The following PER2 variants were observed in gnomAD, a reference collection of about 807,000 sequenced individuals.
PER2 encodes the protein period circadian protein homolog 2.
A neutral mutation model predicts 121.0 loss-of-function variants in PER2; 66 were observed. That is an observed-to-expected ratio of 0.55 (90% CI 0.45 to 0.67). The LOEUF is 0.67. PER2 is among the 30% of genes least tolerant of loss of function. The probability of loss-of-function intolerance (pLI) is 0.00; values close to 1 mark genes in which losing one functional copy is unlikely to be tolerated. For missense variants in PER2, 1,521 were observed against 1,635.0 expected (o/e 0.93, Z 1.20); for synonymous variants, 684 against 659.9 (o/e 1.04, Z -0.56).
At chr2:238,256,752 C>A (rs1695774009) in intron 17 of PER2, among the ~76,000 whole-genome samples, 170 bp downstream of exon 17, 1 of 152,258 alleles carries the variant, frequency 6.6e-6, no homozygotes, top group South Asian at 2.1e-4. Context: ...CTGCCTGGGC[C>A]CTGGCTGGCC....
rs1437885053 is a variant in PER2 at position 238,258,342 on chromosome 2, T to C, written c.1834A>G (p.Asn612Asp). The C allele has an allele frequency of 2.5e-6, 4 of 1,614,106 alleles. No individual in the cohort carries two copies. Among genetic ancestry groups the C allele is most frequent in the African/African-American group, 2.7e-5 (2 of 74,932 alleles). Residue 612 changes from asparagine (N) to aspartate (D), a missense_variant, in exon 16 of 23, where the codon AAC becomes GAC. By Grantham distance (23) the Asn-to-Asp change is conservative. Coordinates refer to ENST00000254657, the MANE Select transcript of PER2 (RefSeq NM_022817.3). Reference protein sequence around the residue: ...TLKRKCEFPANVPALRSSDKR... With the variant: ...TLKRKCEFPADVPALRSSDKR... ...TCACTGGACCTTAGCGCTGGGACGT[T>C]TGCTGGGAACTCGCATTTCCTCTTC...
intron 18 of PER2, chr2:238,254,896 CG>C (rs1241318975): frequency 1.3e-5 from 2 of 152,202 alleles, no homozygotes; most frequent in Non-Finnish European, 2.9e-5. Flanking sequence ...TCCCTTGGTG[CG>C]TCTGCCCAGA....
upstream of PER2, chr2:238,290,039 T>G (rs1188255712): frequency 6.6e-6 from 1 of 152,274 alleles, no homozygotes; most frequent in Admixed American, 6.5e-5. Context: ...TGGACTCACC[T>G]GGGGACCAGG....
At chr2:238,248,077 C>G (rs934764739) in intron 22 of PER2, among the ~76,000 whole-genome samples, 12 of 152,126 alleles carry the variant, frequency 7.9e-5, no homozygotes, top group Non-Finnish European at 1.5e-4. Flanking sequence ...TTGCAGGGTG[C>G]AGGTGGGGAA....
chr2:238,253,104 C>T lies in PER2; in HGVS notation c.2919G>A (p.Met973Ile). Reference protein sequence around the residue: ...PATRATPPSAMGRASPPLFQS... With the variant: ...PATRATPPSAIGRASPPLFQS... ...GAAAGAGCGGTGGGGAGGCCCTACC[C>T]ATGGCCGATGGTGGGGTGGCCCGGG... Residue 973 changes from methionine to isoleucine, a missense_variant, in exon 19 of 23, where the codon ATG (methionine) becomes ATA (isoleucine). Met to Ile is a conservative substitution (Grantham distance 10). Coordinates refer to ENST00000254657, the MANE Select transcript of PER2 (RefSeq NM_022817.3). The surrounding 1 kb of genome is among the most constrained non-coding windows in gnomAD (Gnocchi z 5.6). 1 of 1,606,568 alleles carries T rather than the reference C, an allele frequency of 6.2e-7. No individual in the cohort carries two copies. Among genetic ancestry groups the T allele is most frequent in the South Asian group, 1.1e-5 (1 of 90,436 alleles).
At position 238,253,287 on chromosome 2, in the gene PER2, G is replaced by A. The variant is rs1439321919; in HGVS notation, c.2736C>T (p.Ser912=). ...PVMAFMLPSY[S]FPSGTPNLPQ... ...GCAGGTTTGGGGTCCCCGAGGGGAA[G>A]GAATAACTGGGTAGCATGAATGCCA... Residue 912 remains serine, a synonymous_variant, in exon 19 of 23, where the codon TCC becomes TCT. Coordinates refer to ENST00000254657, the MANE Select transcript of PER2 (RefSeq NM_022817.3). The surrounding 1 kb of genome is among the most constrained non-coding windows in gnomAD (Gnocchi z 5.6). The A allele has an allele frequency of 1.2e-6, 2 of 1,612,542 alleles. No homozygotes were observed. The highest frequency in any genetic ancestry group is 2.2e-5 in the South Asian group (2 of 90,910).
chr2:238,268,240 A>AG lies in PER2; in HGVS notation c.825-43dup. ...CGCTCTAAGTTGGGAACTGTGACAC[A>AG]GGAACAGTCCCCTGTTCTGTTCCCT... On this transcript the variant is annotated intron_variant, in intron 7 of 22. Transcript: ENST00000254657. This position sits in a 1 kb window ranked among gnomAD's most constrained non-coding sequence, Gnocchi z 4.0. The AG allele has an allele frequency of 3.7e-6, 6 of 1,602,012 alleles. No homozygotes were observed. The highest frequency in any genetic ancestry group is 5.1e-6 in the Non-Finnish European group (6 of 1,171,498).
At chr2:238,270,152 A>G (rs1696239664) in intron 6 of PER2, among the ~76,000 whole-genome samples, 1 of 152,252 alleles carries the variant, frequency 6.6e-6, no homozygotes, top group South Asian at 2.1e-4. Context: ...ACTTTGGGGT[A>G]GGTGTGCAGA....
At chr2:238,272,086 T>C (rs1045932531) in intron 5 of PER2, among the ~76,000 whole-genome samples, 4 of 152,250 alleles carry the variant, frequency 2.6e-5, no homozygotes, top group South Asian at 2.1e-4. Flanking sequence ...AAAGAAAACC[T>C]GTCTTTGACT....
At position 238,276,401 on chromosome 2, in the gene PER2, C is replaced by A. The variant is rs149556732; in HGVS notation, c.294-504G>T. 3.4e-3 allele frequency among the ~76,000 whole-genome samples: 517 copies of A among 152,362 alleles called. 7 individuals carry two copies. Among genetic ancestry groups the A allele is most frequent in the African/African-American group, 0.012 (490 of 41,584 alleles). ...CTGGAGAAGTCCCTCCAACTGTGTT[C>A]TTTTCCCTGAAGGGTTAGAGCTAGG... On this transcript the variant is annotated intron_variant, in intron 3 of 22. Coordinates refer to ENST00000254657, the MANE Select transcript of PER2 (RefSeq NM_022817.3).
In PER2 at chr2:238,258,475, T is replaced by G. The variant is rs763380917; in HGVS notation, c.1775+22A>C. ...GGAAGGTGTGTGAGATGGTGGAGAC[T>G]CGGCTGGAAATGCCGGCATACCTGA... On this transcript the variant is annotated intron_variant, in intron 15 of 22. Coordinates refer to ENST00000254657, the MANE Select transcript of PER2 (RefSeq NM_022817.3). 13 of 1,613,966 alleles carry G rather than the reference T, an allele frequency of 8.1e-6. No homozygotes were observed. The East Asian group carries it at 2.9e-4, about 36-fold the overall frequency.
chr2:238,262,193 CCT>C lies in PER2; in HGVS notation c.1303_1304del (p.Arg435GlyfsTer6). 1 of 1,613,632 alleles carries C rather than the reference CCT, an allele frequency of 6.2e-7. No homozygotes were observed. Among genetic ancestry groups the C allele is most frequent in the Non-Finnish European group, 8.5e-7 (1 of 1,179,998 alleles). ...ISFIIGRHKV[R>X]VGPLNEDVFA... ...CCTCGGGCCCTTGGAGCACTCACAC[CCT>C]GACTTTGTGCCTCCCAATGATGAAG... On this transcript the variant is annotated frameshift_variant, in exon 11 of 23. Coordinates refer to ENST00000254657, the MANE Select transcript of PER2 (RefSeq NM_022817.3). LOFTEE classifies it high-confidence loss of function.
chr2:238,285,834 C>T (rs1180222950), intron 1 of PER2, among the ~76,000 whole-genome samples: 1 of 124,002 alleles, frequency 8.1e-6, no homozygotes, highest in East Asian at 2.3e-4. Flanking sequence ...TGTACTGTCT[C>T]TGCAAGCCCT....
At chr2:238,275,342 A>G (rs892241504) in intron 4 of PER2, among the ~76,000 whole-genome samples, 1 of 152,196 alleles carries the variant, frequency 6.6e-6, no homozygotes, top group African/African-American at 2.4e-5. Context: ...ACAACAGACC[A>G]ACACAGCTAA....
Position 238,261,008 on chromosome 2 carries a change from T to A in PER2, c.1417-55A>T. ...ACAGCCAGGGCTGCTGAGCTATGCA[T>A]GTGGCCCCCTGCCAACACACCCTGT... On this transcript the variant is annotated intron_variant, in intron 12 of 22. Coordinates refer to ENST00000254657, the MANE Select transcript of PER2 (RefSeq NM_022817.3). 3.1e-6 allele frequency: 5 copies of A among 1,589,020 alleles called. No individual in the cohort carries two copies. The South Asian group carries it at 3.3e-5, about 11-fold the overall frequency.
chr2:238,287,756 AC>A (rs1696831366), intron 1 of PER2, among the ~76,000 whole-genome samples: 1 of 152,046 alleles, frequency 6.6e-6, no homozygotes, highest in Admixed American at 6.5e-5. Context: ...AGCTTTCCAA[AC>A]GGGTTCCTTC....
At chr2:238,267,970 T>G in intron 8 of PER2, 86 bp downstream of exon 8, 2 of 1,470,996 alleles carry the variant, frequency 1.4e-6, no homozygotes, top group South Asian at 2.3e-5. Context: ...GGGGAGTCCA[T>G]CGTACAGATG....
chr2:238,286,463 C>A (rs1434289535), intron 1 of PER2, among the ~76,000 whole-genome samples: 1 of 151,926 alleles, frequency 6.6e-6, no homozygotes, highest in Admixed American at 6.6e-5. Context: ...CAAATGTGTA[C>A]ACGATGAGCA....
rs114878394 is a variant in PER2 at position 238,268,660 on chromosome 2, A to G, written c.824+263T>C. Reference sequence around the variant, plus strand: ...CGCAGTGCTTTCAGAAACTCTGTCGACCCTGGGGTACAGGCCTTTGCAAGA... The same window carrying G: ...CGCAGTGCTTTCAGAAACTCTGTCGGCCCTGGGGTACAGGCCTTTGCAAGA... On this transcript the variant is annotated intron_variant, in intron 7 of 22. Coordinates refer to ENST00000254657, the MANE Select transcript of PER2 (RefSeq NM_022817.3). This position sits in a 1 kb window ranked among gnomAD's most constrained non-coding sequence, Gnocchi z 4.0. Among the ~76,000 whole-genome samples, 333 of 152,270 alleles carry G rather than the reference A, an allele frequency of 2.2e-3. 1 individual carries two copies. The highest frequency in any genetic ancestry group is 7.7e-3 in the African/African-American group (321 of 41,552).
Sources: gnomAD v4.1 joint callset for allele counts (sites outside exome capture counted in the v4.1 genomes callset) on GRCh38, gnomAD v4.1.1 for gene constraint, Gnocchi (gnomAD v3.1) non-coding constraint, MANE v1.5 for transcripts, NCBI Gene and HGNC (gene_info 2026-07-23, HGNC 2026-07-21) for gene names.